CNTNAP2: variants seen among roughly 807,000 people sequenced by gnomAD.
CNTNAP2 encodes contactin associated protein 2.
Under a neutral mutation model 155.2 loss-of-function variants are expected in CNTNAP2, and 98 were observed. That is an observed-to-expected ratio of 0.63 (90% CI 0.54 to 0.75). The LOEUF is 0.75. Among genes scored for constraint, CNTNAP2 ranks in the 30% least tolerant of loss-of-function variants. CNTNAP2 has a pLI of 0.00. For synonymous variants in CNTNAP2, 651 were observed against 631.2 expected, an observed-to-expected ratio of 1.03 and a Z score of -0.47; for missense variants, 1,727 against 1,688.1, an observed-to-expected ratio of 1.02 and a Z score of -0.40.
At chr7:147,912,216 A>AGGC (rs60395385) in intron 14 of CNTNAP2, among the ~76,000 whole-genome samples, 6,039 of 152,286 alleles carry the variant, frequency 0.04, 368 homozygotes, top group African/African-American at 0.14. Flanking sequence ...ATAAGGGAGA[A>AGGC]GGCACATCCA....
intron 1 of CNTNAP2, among the ~76,000 whole-genome samples, chr7:146,160,081 C>T (rs1001827044): frequency 6.6e-6 from 1 of 152,172 alleles, no homozygotes; most frequent in African/African-American, 2.4e-5. Flanking sequence ...ACAACCTGCT[C>T]CTGAATGACT....
At chr7:147,556,022 G>A (rs1799945612) in intron 11 of CNTNAP2, among the ~76,000 whole-genome samples, 1 of 152,162 alleles carries the variant, frequency 6.6e-6, no homozygotes, top group Non-Finnish European at 1.5e-5. Context: ...TAGGCCTGCG[G>A]CCACGTCTGC....
At chr7:146,640,915 A>G (rs142900845) in intron 1 of CNTNAP2, among the ~76,000 whole-genome samples, 44 of 152,362 alleles carry the variant, frequency 2.9e-4, no homozygotes, top group African/African-American at 1.1e-3. Flanking sequence ...GGAAGACAAC[A>G]TCTGCGAACA....
chr7:148,077,645 A>T (rs1803516094), intron 15 of CNTNAP2, among the ~76,000 whole-genome samples: 1 of 152,178 alleles, frequency 6.6e-6, no homozygotes. Flanking sequence ...TTTCGGATAT[A>T]AAACTATACA....
intron 1 of CNTNAP2, among the ~76,000 whole-genome samples, chr7:146,453,290 A>T (rs541350793): frequency 6.6e-6 from 1 of 152,364 alleles, no homozygotes; most frequent in East Asian, 1.9e-4. Flanking sequence ...TCTGCTGCTT[A>T]TTCCCACAAT....
intron 1 of CNTNAP2, among the ~76,000 whole-genome samples, chr7:146,293,466 A>T (rs773723519): frequency 2.0e-5 from 3 of 152,100 alleles, no homozygotes; most frequent in Admixed American, 6.6e-5. Flanking sequence ...GCAACATGAA[A>T]CTCTCATGGA....
chr7:147,151,054 T>C (rs1801815091), intron 8 of CNTNAP2, among the ~76,000 whole-genome samples: 1 of 152,200 alleles, frequency 6.6e-6, no homozygotes, highest in African/African-American at 2.4e-5. Context: ...CAACACATTG[T>C]GAAATGCATA....
chr7:146,187,885 A>G (rs116696333), intron 1 of CNTNAP2, among the ~76,000 whole-genome samples: 1,524 of 152,290 alleles, frequency 0.01, 28 homozygotes, highest in African/African-American at 0.035. Flanking sequence ...TAGTTTTTCC[A>G]CAACCCATTA....
At chr7:146,942,322 C>A (rs1346253702) in intron 3 of CNTNAP2, among the ~76,000 whole-genome samples, 2 of 152,096 alleles carry the variant, frequency 1.3e-5, no homozygotes, top group Non-Finnish European at 2.9e-5. Flanking sequence ...CAACTTTACT[C>A]ACTTACTCTC....
chr7:147,065,743 C>G (rs1799766377), intron 4 of CNTNAP2, among the ~76,000 whole-genome samples: 1 of 152,174 alleles, frequency 6.6e-6, no homozygotes, highest in Non-Finnish European at 1.5e-5. Context: ...TGAATTCCTA[C>G]TCTTCTCAGC....
chr7:146,965,097 A>G (rs980085746), intron 3 of CNTNAP2, among the ~76,000 whole-genome samples: 1 of 152,252 alleles, frequency 6.6e-6, no homozygotes, highest in Non-Finnish European at 1.5e-5. Context: ...AAGAAGGTGC[A>G]TGATAAGAGT....
At chr7:147,931,033 TA>T (rs1403551869) in intron 14 of CNTNAP2, among the ~76,000 whole-genome samples, 3 of 151,790 alleles carry the variant, frequency 2.0e-5, no homozygotes, top group East Asian at 3.9e-4. Flanking sequence ...ATGAATGCAA[TA>T]CAGCAAAAGC....
At chr7:147,812,041 T>C (rs1798187772) in intron 13 of CNTNAP2, among the ~76,000 whole-genome samples, 2 of 152,124 alleles carry the variant, frequency 1.3e-5, no homozygotes. Flanking sequence ...CCTGGAGTTG[T>C]GAGGATGGCT....
chr7:146,215,479 A>T (rs187332483), intron 1 of CNTNAP2, among the ~76,000 whole-genome samples: 1 of 152,132 alleles, frequency 6.6e-6, no homozygotes, highest in Non-Finnish European at 1.5e-5. Context: ...TCGTTATGTG[A>T]TTGAACCTCA....
chr7:148,390,850 C>T (rs998709960), intron 22 of CNTNAP2, among the ~76,000 whole-genome samples: 3 of 152,176 alleles, frequency 2.0e-5, no homozygotes, highest in Admixed American at 1.3e-4. Context: ...TCAGTGTTTT[C>T]TAAAATGAGG....
intron 10 of CNTNAP2, among the ~76,000 whole-genome samples, chr7:147,445,391 T>C (rs1318179663): frequency 6.6e-6 from 1 of 152,178 alleles, no homozygotes. Flanking sequence ...TTCACTTGGT[T>C]AGGGCGCCAC....
chr7:147,631,495 G>T (rs1795084701), intron 12 of CNTNAP2, among the ~76,000 whole-genome samples: 1 of 152,052 alleles, frequency 6.6e-6, no homozygotes, highest in East Asian at 1.9e-4. Flanking sequence ...AAGTTCATAT[G>T]AAACCAAAAA....
chr7:146,999,651 C>A (rs997156204), intron 3 of CNTNAP2, among the ~76,000 whole-genome samples: 1 of 151,322 alleles, frequency 6.6e-6, no homozygotes, highest in African/African-American at 2.4e-5. Context: ...CTTTGCAGGG[C>A]ATAGTATTTT....
chr7:147,330,692 A>G (rs1014501089), intron 9 of CNTNAP2, among the ~76,000 whole-genome samples: 1 of 152,154 alleles, frequency 6.6e-6, no homozygotes, highest in Non-Finnish European at 1.5e-5. Flanking sequence ...CCTAATTGGT[A>G]TGAACAGTTT....
Sources: allele counts gnomAD v4.1 joint callset (sites outside exome capture counted in the v4.1 genomes callset), GRCh38; gene constraint gnomAD v4.1.1; transcripts MANE v1.5; gene names NCBI Gene and HGNC (gene_info 2026-07-23, HGNC 2026-07-21).